MAP2K6: variants seen among roughly 807,000 people sequenced by gnomAD.
MAP2K6 encodes dual specificity mitogen-activated protein kinase kinase 6.
In MAP2K6, 16 loss-of-function variants were observed where a neutral mutation model predicts 53.7. The ratio of observed to expected loss-of-function variants is 0.30; its 90% CI spans 0.20 to 0.45. MAP2K6 has a LOEUF of 0.45. Ranked by LOEUF, MAP2K6 falls within the 20% of genes least tolerant of loss-of-function variation. The pLI, the probability that MAP2K6 is intolerant of heterozygous loss-of-function variation, is 1.00. For missense variants in MAP2K6, 204 were observed against 411.9 expected (o/e 0.50, Z 4.37); for synonymous variants, 132 against 143.1 (o/e 0.92, Z 0.55).
chr17:69,464,825 C>T (rs1369498080), intron 1 of MAP2K6, among the ~76,000 whole-genome samples: 1 of 151,756 alleles, frequency 6.6e-6, no homozygotes, highest in African/African-American at 2.4e-5. Context: ...AAGCAATTCT[C>T]CTGCTTCAGC....
chr17:69,520,500 G>A (rs568392846), intron 6 of MAP2K6, 114 bp downstream of exon 6: 2 of 677,562 alleles, frequency 3.0e-6, no homozygotes, highest in East Asian at 5.1e-5. Context: ...ATTCGTACAT[G>A]TCTGTTGACA....
Position 69,524,892 on chromosome 17 carries a change from T to G in MAP2K6, c.664-9T>G. On this transcript the variant is annotated splice_polypyrimidine_tract_variant and intron_variant, in intron 8 of 11. Transcript: ENST00000590474. ...TTCCCAGTTTCTCAGTTGTCTGTCT[T>G]CTTTCCAGCCTGAAAGAATAAACCC... 6.2e-7 allele frequency: 1 copy of G among 1,609,744 alleles called. No homozygotes were observed. The highest frequency in any genetic ancestry group is 8.5e-7 in the Non-Finnish European group (1 of 1,176,316).
At chr17:69,456,896 C>G (rs1228130054) in intron 1 of MAP2K6, among the ~76,000 whole-genome samples, 1 of 152,204 alleles carries the variant, frequency 6.6e-6, no homozygotes, top group Non-Finnish European at 1.5e-5. Flanking sequence ...TTAAAGTTGT[C>G]CCTGCTGCTT....
intron 1 of MAP2K6, among the ~76,000 whole-genome samples, chr17:69,446,169 T>C (rs1906958807): frequency 6.6e-6 from 1 of 152,222 alleles, no homozygotes; most frequent in African/African-American, 2.4e-5. Flanking sequence ...TCTCTTCTGG[T>C]GATTAATAGA....
rs184804699 is a variant in MAP2K6 at position 69,531,852 on chromosome 17, A to C, written c.882-4263A>C. 2.8e-3 allele frequency among the ~76,000 whole-genome samples: 433 copies of C among 152,220 alleles called. 1 individual carries two copies. Among genetic ancestry groups the C allele is most frequent in the Admixed American group, 4.8e-3 (73 of 15,298 alleles). Reference sequence around the variant, plus strand: ...TGTTGACCATGTCAGCCTTGTTTTGAGATTCATCATAGAGAAGTCTAATAG... The same window carrying C: ...TGTTGACCATGTCAGCCTTGTTTTGCGATTCATCATAGAGAAGTCTAATAG... On this transcript the variant is annotated intron_variant, in intron 10 of 11. Transcript: ENST00000590474.
chr17:69,448,536 G>C (rs940665736), intron 1 of MAP2K6, among the ~76,000 whole-genome samples: 5 of 151,874 alleles, frequency 3.3e-5, no homozygotes, highest in Non-Finnish European at 5.9e-5. Context: ...CACTGCCTTG[G>C]CCTCACTCCC....
At chr17:69,442,447 C>G (rs1165603065) in intron 1 of MAP2K6, among the ~76,000 whole-genome samples, 2 of 152,212 alleles carry the variant, frequency 1.3e-5, no homozygotes, top group Non-Finnish European at 2.9e-5. Context: ...TACTTGATAA[C>G]TATCACAAAA....
intron 6 of MAP2K6, 168 bp from the exon 7 acceptor site, chr17:69,520,881 A>T: frequency 3.7e-6 from 2 of 539,766 alleles, no homozygotes; most frequent in Non-Finnish European, 6.6e-6. Flanking sequence ...TGGTGGATGG[A>T]GTCCAATTTG....
intron 7 of MAP2K6, among the ~76,000 whole-genome samples, chr17:69,523,112 G>A (rs1038860972): frequency 2.0e-5 from 3 of 152,138 alleles, no homozygotes; most frequent in African/African-American, 7.2e-5. Flanking sequence ...CATATTTGGT[G>A]TATCATTGTG....
At chr17:69,503,264 G>A (rs1222343213) in intron 1 of MAP2K6, among the ~76,000 whole-genome samples, 1 of 152,168 alleles carries the variant, frequency 6.6e-6, no homozygotes, top group Non-Finnish European at 1.5e-5. Flanking sequence ...CTCATCGAAA[G>A]TAACATTCCC....
At chr17:69,463,306 GTA>G (rs201628228) in intron 1 of MAP2K6, among the ~76,000 whole-genome samples, 2,387 of 148,980 alleles carry the variant, frequency 0.016, 57 homozygotes, top group African/African-American at 0.05. Flanking sequence ...ATACTTATAT[GTA>G]TATATATATC....
chr17:69,496,858 C>T (rs1175861815), intron 1 of MAP2K6, among the ~76,000 whole-genome samples: 1 of 152,090 alleles, frequency 6.6e-6, no homozygotes, highest in Non-Finnish European at 1.5e-5. Context: ...TCATGATCTG[C>T]CCTTTCCCCA....
At chr17:69,472,581 G>A (rs1908016799) in intron 1 of MAP2K6, among the ~76,000 whole-genome samples, 2 of 152,150 alleles carry the variant, frequency 1.3e-5, no homozygotes, top group Admixed American at 1.3e-4. Context: ...GAGGGTGGGT[G>A]CACCCTGAGA....
intron 1 of MAP2K6, chr17:69,434,636 T>G (rs1265953567): frequency 6.6e-6 from 1 of 152,230 alleles, no homozygotes; most frequent in Non-Finnish European, 1.5e-5. Flanking sequence ...AAGCCACACC[T>G]AACATGGGCT....
At chr17:69,431,089 A>C (rs976321647) in intron 1 of MAP2K6, among the ~76,000 whole-genome samples, 2 of 152,200 alleles carry the variant, frequency 1.3e-5, no homozygotes, top group Non-Finnish European at 2.9e-5. Flanking sequence ...CACTTTGCTA[A>C]TTAGGTCTAA....
At chr17:69,422,081 G>A (rs1042050196) in intron 1 of MAP2K6, among the ~76,000 whole-genome samples, 2 of 150,862 alleles carry the variant, frequency 1.3e-5, no homozygotes, top group Non-Finnish European at 2.9e-5. Context: ...AGGATATTCA[G>A]GTTATAATCC....
intron 1 of MAP2K6, among the ~76,000 whole-genome samples, chr17:69,445,172 C>G (rs975449901): frequency 2.3e-4 from 35 of 152,168 alleles, no homozygotes; most frequent in Admixed American, 6.5e-5. Context: ...CTGCCCACCT[C>G]GGCCTCCCAA....
At chr17:69,516,586 T>C (rs1237685545) in intron 2 of MAP2K6, among the ~76,000 whole-genome samples, 1 of 152,244 alleles carries the variant, frequency 6.6e-6, no homozygotes, top group African/African-American at 2.4e-5. Flanking sequence ...TTGTATTGTC[T>C]CTTTTAATAC....
At chr17:69,515,133 C>A (rs1165683782) in intron 2 of MAP2K6, among the ~76,000 whole-genome samples, 2 of 151,294 alleles carry the variant, frequency 1.3e-5, no homozygotes, top group African/African-American at 4.9e-5. Context: ...TGTTTGATCA[C>A]ATTAACAATT....
Sources: allele counts gnomAD v4.1 joint callset (sites outside exome capture counted in the v4.1 genomes callset), GRCh38; gene constraint gnomAD v4.1.1; transcripts MANE v1.5; gene names NCBI Gene and HGNC (gene_info 2026-07-23, HGNC 2026-07-21).